The following FGF14 variants were observed in gnomAD, a reference collection of about 807,000 sequenced individuals.
The protein encoded by FGF14 is fibroblast growth factor homologous factor 4.
A neutral mutation model predicts 25.5 loss-of-function variants in FGF14; 5 were observed. That is an observed-to-expected ratio of 0.20 (90% CI 0.10 to 0.41). The LOEUF (loss-of-function observed/expected upper bound fraction) is 0.41. Ranked by LOEUF, FGF14 falls within the 10% of genes least tolerant of loss-of-function variation. The pLI, the probability that FGF14 is intolerant of heterozygous loss-of-function variation, is 1.00. For synonymous variants in FGF14, 138 were observed against 118.3 expected (o/e 1.17, Z -1.08); for missense variants, 222 against 320.1 (o/e 0.69, Z 2.34).
intron 3 of FGF14, among the ~76,000 whole-genome samples, chr13:101,789,057 C>A (rs2040080564): frequency 6.6e-6 from 1 of 150,796 alleles, no homozygotes; most frequent in Non-Finnish European, 1.5e-5. Flanking sequence ...ATTTGGTTTT[C>A]CAAATCTTTC....
intron 3 of FGF14, among the ~76,000 whole-genome samples, chr13:101,793,285 A>G (rs1385351820): frequency 1.3e-5 from 2 of 152,146 alleles, no homozygotes; most frequent in African/African-American, 4.8e-5. Flanking sequence ...TTCCACATAT[A>G]AGTTATAAGA....
chr13:102,355,843 T>A (rs9582574), intron 1 of FGF14, among the ~76,000 whole-genome samples: 11,764 of 152,170 alleles, frequency 0.077, 854 homozygotes, highest in African/African-American at 0.19. Context: ...CAGAAAGTAC[T>A]CATATAAATT....
At chr13:102,161,570 A>AGAAGAAGAAGAAGAAGAAG (rs1555369390) in intron 1 of FGF14, among the ~76,000 whole-genome samples, 1 of 5,652 alleles carries the variant, frequency 1.8e-4, no homozygotes, top group Non-Finnish European at 2.4e-4. Context: ...TTCTGTGAAG[A>AGAAGAAGAAGAAGAAGAAG]AAGAAAGAAG....
chr13:102,036,106 G>C (rs1258504807), intron 1 of FGF14, among the ~76,000 whole-genome samples: 1 of 152,108 alleles, frequency 6.6e-6, no homozygotes, highest in Non-Finnish European at 1.5e-5. Flanking sequence ...AGGTATTTCA[G>C]ACACAGGAAA....
intron 1 of FGF14, among the ~76,000 whole-genome samples, chr13:102,071,726 A>G (rs1441100475): frequency 6.6e-6 from 1 of 152,158 alleles, no homozygotes; most frequent in African/African-American, 2.4e-5. Flanking sequence ...TCTACTCTTC[A>G]TTTCTCCATA....
At chr13:102,136,822 A>G (rs2046432331) in intron 1 of FGF14, among the ~76,000 whole-genome samples, 1 of 152,198 alleles carries the variant, frequency 6.6e-6, no homozygotes, top group South Asian at 2.1e-4. Context: ...TAACTAGCTC[A>G]TATGTATTTG....
chr13:102,015,100 G>T (rs139839358), intron 1 of FGF14, among the ~76,000 whole-genome samples: 3,301 of 152,184 alleles, frequency 0.022, 123 homozygotes, highest in African/African-American at 0.076. Flanking sequence ...TAGAGATGGG[G>T]TTTCACCATG....
At chr13:102,187,361 A>G (rs2048918885) in intron 1 of FGF14, among the ~76,000 whole-genome samples, 1 of 152,202 alleles carries the variant, frequency 6.6e-6, no homozygotes, top group Non-Finnish European at 1.5e-5. Context: ...AAACTCTGCT[A>G]TTGATAACAT....
intron 3 of FGF14, among the ~76,000 whole-genome samples, chr13:101,797,763 G>GTA (rs1566914134): frequency 1.3e-5 from 2 of 150,688 alleles, no homozygotes; most frequent in Non-Finnish European, 3.0e-5. Flanking sequence ...GTGTGTGTGT[G>GTA]TGTGTGTGTG....
chr13:101,936,556 G>GA (rs1166898060), intron 1 of FGF14, among the ~76,000 whole-genome samples: 1 of 152,148 alleles, frequency 6.6e-6, no homozygotes, highest in Non-Finnish European at 1.5e-5. Flanking sequence ...AGTTTGTGGG[G>GA]ATCACGGGAT....
At chr13:102,014,243 A>C (rs2040223793) in intron 1 of FGF14, among the ~76,000 whole-genome samples, 1 of 152,116 alleles carries the variant, frequency 6.6e-6, no homozygotes, top group African/African-American at 2.4e-5. Context: ...AAAATTAAAA[A>C]AAAAGACTTC....
At chr13:102,180,388 C>T (rs1348105876) in intron 1 of FGF14, among the ~76,000 whole-genome samples, 1 of 152,156 alleles carries the variant, frequency 6.6e-6, no homozygotes, top group Non-Finnish European at 1.5e-5. Flanking sequence ...TCTCAGCTCA[C>T]TGCAACCTTT....
At chr13:102,338,308 C>A (rs933083394) in intron 1 of FGF14, among the ~76,000 whole-genome samples, 4 of 152,144 alleles carry the variant, frequency 2.6e-5, no homozygotes, top group Admixed American at 6.6e-5. Flanking sequence ...GTGAGAAACA[C>A]TGACATCCAT....
At position 101,715,425 on chromosome 13, in the gene FGF14, TAAC is replaced by T. The variant is rs2034673698; in HGVS notation, c.*7403_*7405del. 3 of 694,868 alleles carry T rather than the reference TAAC, an allele frequency of 4.3e-6. No homozygotes were observed. The highest frequency in any genetic ancestry group is 5.2e-5 in the East Asian group (2 of 38,794). The allele number at this position is 694,868 out of a possible 1,614,324, so 43.0% of individuals were successfully genotyped here. ...GCAGCTGCTTAATAAGATGTAATAA[TAAC>T]ATCATTGCACAATAAGAAAATCTAC... On this transcript the variant is annotated 3_prime_UTR_variant, in exon 5 of 5. Coordinates refer to ENST00000376143, the MANE Select transcript of FGF14 (RefSeq NM_004115.4).
At chr13:102,345,577 T>C (rs538309366) in intron 1 of FGF14, among the ~76,000 whole-genome samples, 2 of 152,372 alleles carry the variant, frequency 1.3e-5, no homozygotes, top group East Asian at 3.9e-4. Flanking sequence ...ATGTATATGT[T>C]GGTATAGATC....
intron 1 of FGF14, among the ~76,000 whole-genome samples, chr13:102,230,349 C>T (rs898803694): frequency 2.0e-5 from 3 of 152,148 alleles, no homozygotes; most frequent in African/African-American, 7.2e-5. Flanking sequence ...AAGACAGATA[C>T]CAAAGTTAAG....
Position 102,031,987 on chromosome 13 carries a change from G to T in FGF14, c.209-156691C>A, listed in dbSNP as rs540644730. Among the ~76,000 whole-genome samples the T allele has an allele frequency of 1.6e-3, 246 of 152,108 alleles. 2 individuals are homozygous for T. Among genetic ancestry groups the T allele is most frequent in the African/African-American group, 5.5e-3 (230 of 41,514 alleles). On this transcript the variant is annotated intron_variant, in intron 1 of 4. Coordinates refer to the FGF14 transcript ENST00000376131. The stretch of plus-strand genomic sequence containing the variant: ...TTACAAATCTGTTCATTAGCCTCCT[G>T]GCACAGGAATCATAAAAATGATGAG...
intron 1 of FGF14, among the ~76,000 whole-genome samples, chr13:102,190,969 A>G (rs1018718031): frequency 6.6e-6 from 1 of 152,142 alleles, no homozygotes; most frequent in Admixed American, 6.5e-5. Flanking sequence ...TAGCAGTGAC[A>G]AGCATAGCCA....
rs539535166 is a variant in FGF14, at chr13:102,078,647, G to A, written c.209-203351C>T. ...GATGAACAGAGGGGTAGGATTTGAC[G>A]CTGCAGAGGGATGGAAGTTCATAGA... On this transcript the variant is annotated intron_variant, in intron 1 of 4. Transcript: ENST00000376131. Among the ~76,000 whole-genome samples the A allele has an allele frequency of 1.6e-4, 24 of 152,254 alleles. No homozygotes were observed. The South Asian group carries it at 4.8e-3, about 30-fold the overall frequency.
Sources: gnomAD v4.1 joint callset for allele counts (sites outside exome capture counted in the v4.1 genomes callset) on GRCh38, gnomAD v4.1.1 for gene constraint, MANE v1.5 for transcripts, NCBI Gene and HGNC (gene_info 2026-07-23, HGNC 2026-07-21) for gene names.